Variants in ADAM23 observed in about 807,000 individuals in gnomAD.
ADAM23 encodes the protein disintegrin and metalloproteinase domain-containing protein 23.
In ADAM23, 33 loss-of-function variants were observed where a neutral mutation model predicts 120.1. That is an observed-to-expected ratio of 0.27 (90% CI 0.21 to 0.37). ADAM23 has a LOEUF of 0.37. ADAM23 is among the 10% of genes least tolerant of loss of function. The probability of loss-of-function intolerance (pLI) is 1.00; values close to 1 mark genes in which losing one functional copy is unlikely to be tolerated. For synonymous variants in ADAM23, 367 were observed against 375.2 expected, an observed-to-expected ratio of 0.98 and a Z score of 0.25; for missense variants, 862 against 1,058.2, an observed-to-expected ratio of 0.81 and a Z score of 2.57.
At chr2:206,465,821 G>A (rs1219843047) in intron 2 of ADAM23, among the ~76,000 whole-genome samples, 2 of 152,150 alleles carry the variant, frequency 1.3e-5, no homozygotes, top group Non-Finnish European at 2.9e-5. Context: ...TCGGAGAACA[G>A]ATGTAGGAAT....
At chr2:206,458,729 G>A (rs1221401086) in intron 2 of ADAM23, among the ~76,000 whole-genome samples, 1 of 152,084 alleles carries the variant, frequency 6.6e-6, no homozygotes, top group Non-Finnish European at 1.5e-5. Context: ...ACGTTCAGAT[G>A]ATAATTTCCC....
At chr2:206,471,058 C>T (rs889313806) in intron 2 of ADAM23, among the ~76,000 whole-genome samples, 3 of 152,096 alleles carry the variant, frequency 2.0e-5, no homozygotes, top group Non-Finnish European at 4.4e-5. Context: ...TGGGTAGAAA[C>T]AGTATGAAAC....
intron 2 of ADAM23, among the ~76,000 whole-genome samples, chr2:206,453,274 A>G (rs978516584): frequency 2.0e-5 from 3 of 152,238 alleles, no homozygotes; most frequent in Admixed American, 2.0e-4. Flanking sequence ...GCAAGAACCG[A>G]ATCTATCAGG....
intron 18 of ADAM23, among the ~76,000 whole-genome samples, chr2:206,574,395 TG>T (rs1698070109): frequency 6.6e-6 from 1 of 150,954 alleles, no homozygotes; most frequent in Non-Finnish European, 1.5e-5. Context: ...AAGTTTGGTG[TG>T]GTTTTCTTTT....
intron 7 of ADAM23, 148 bp downstream of exon 7, chr2:206,547,649 C>A (rs1372951816): frequency 1.7e-6 from 1 of 598,716 alleles, no homozygotes. Flanking sequence ...TGAGTGGTGG[C>A]TCTTGTGTAA....
At chr2:206,445,167 T>G (rs1386012409) in intron 1 of ADAM23, 140 bp from the exon 2 acceptor site, 2 of 665,162 alleles carry the variant, frequency 3.0e-6, no homozygotes, top group African/African-American at 3.7e-5. Context: ...GCTCTACTTC[T>G]TAACTGCTTA....
chr2:206,454,994 G>A (rs966045188), intron 2 of ADAM23, among the ~76,000 whole-genome samples: 1 of 152,210 alleles, frequency 6.6e-6, no homozygotes, highest in African/African-American at 2.4e-5. Flanking sequence ...CTAGAGGGCA[G>A]TAACTCTCTT....
At chr2:206,552,259 G>A (rs1697542960) in intron 9 of ADAM23, among the ~76,000 whole-genome samples, 1 of 152,078 alleles carries the variant, frequency 6.6e-6, no homozygotes, top group African/African-American at 2.4e-5. Context: ...TATAGAATCT[G>A]TTCTCAAACC....
At chr2:206,572,988 T>C in intron 17 of ADAM23, 127 bp from the exon 18 acceptor site, 1 of 909,404 alleles carries the variant, frequency 1.1e-6, no homozygotes, top group Non-Finnish European at 1.8e-6. Context: ...TCTGTCTTGC[T>C]AATTCTTAAA....
intron 3 of ADAM23, among the ~76,000 whole-genome samples, chr2:206,482,035 A>C (rs555400785): frequency 1.3e-5 from 2 of 152,332 alleles, no homozygotes; most frequent in East Asian, 1.9e-4. Flanking sequence ...AGCTTTTGTC[A>C]GTATTTTGAT....
intron 11 of ADAM23, 44 bp from the exon 12 acceptor site, chr2:206,561,083 AT>A (rs755094449): frequency 6.5e-7 from 1 of 1,546,794 alleles, no homozygotes; most frequent in Admixed American, 1.7e-5. Context: ...GTATGAAATG[AT>A]GGTCCACCAC....
intron 3 of ADAM23, among the ~76,000 whole-genome samples, chr2:206,514,442 G>T (rs140830139): frequency 2.1e-4 from 32 of 152,320 alleles, no homozygotes; most frequent in African/African-American, 7.5e-4. Flanking sequence ...ACAACTAGAA[G>T]TGGAGCCCGA....
intron 8 of ADAM23, among the ~76,000 whole-genome samples, chr2:206,549,887 T>TA (rs1468988817): frequency 6.6e-6 from 1 of 152,110 alleles, no homozygotes; most frequent in Non-Finnish European, 1.5e-5. Flanking sequence ...GATAATAAAA[T>TA]ACAGTTATTT....
intron 15 of ADAM23, among the ~76,000 whole-genome samples, chr2:206,567,599 T>C (rs1006289823): frequency 4.6e-5 from 7 of 152,272 alleles, no homozygotes; most frequent in South Asian, 2.1e-4. Context: ...AATTAAAATA[T>C]CTTTGAGATT....
intron 3 of ADAM23, among the ~76,000 whole-genome samples, chr2:206,505,068 C>G (rs998397122): frequency 6.6e-6 from 1 of 152,112 alleles, no homozygotes; most frequent in Admixed American, 6.6e-5. Context: ...TGGTAAGAGC[C>G]AAGTGGCCTA....
At position 206,501,870 on chromosome 2, in the gene ADAM23, TA is replaced by T. The variant is rs1696394081; in HGVS notation, c.509+20564del. Among the ~76,000 whole-genome samples the T allele has an allele frequency of 3.9e-5, 6 of 152,300 alleles. No individual in the cohort carries two copies. The South Asian group carries it at 1.2e-3, about 32-fold the overall frequency. Reference sequence around the variant, plus strand: ...AAATATAAAACCAATGTGTTAAATATAATTTAGTTTTATTTCTAAAATTTCA... The same window carrying T: ...AAATATAAAACCAATGTGTTAAATATATTTAGTTTTATTTCTAAAATTTCA... On this transcript the variant is annotated intron_variant, in intron 3 of 25. Transcript: ENST00000264377.
rs1448442183 is a variant in ADAM23, at chr2:206,596,136, A to C, written c.2333A>C (p.His778Pro). ...ATCCGGGATCCAGTTAGGAACCTTC[A>C]CCCCCCCAAGGATGAAGGACCCAAG... ...CSIRDPVRNL[H>P]PPKDEGPKGP... Residue 778 changes from histidine (H) to proline (P), a missense_variant, in exon 24 of 26, where the codon CAC (histidine) becomes CCC (proline). His to Pro is a moderately conservative substitution (Grantham distance 77). This residue lies in a region of ADAM23 where 617 missense variants were observed against 813.5 expected (regional missense o/e 0.76). Coordinates refer to ENST00000264377, the MANE Select transcript of ADAM23 (RefSeq NM_003812.4). 1.4e-5 allele frequency: 22 copies of C among 1,613,462 alleles called. No homozygotes were observed. Among genetic ancestry groups the C allele is most frequent in the Non-Finnish European group, 1.6e-5 (19 of 1,179,872 alleles).
At chr2:206,457,624 C>T (rs534982219) in intron 2 of ADAM23, among the ~76,000 whole-genome samples, 35 of 151,966 alleles carry the variant, frequency 2.3e-4, no homozygotes, top group Non-Finnish European at 4.7e-4. Flanking sequence ...CTTGTTTAAA[C>T]TACTAGCATT....
intron 2 of ADAM23, among the ~76,000 whole-genome samples, chr2:206,454,398 A>G (rs1369640664): frequency 6.6e-6 from 1 of 152,150 alleles, no homozygotes; most frequent in Non-Finnish European, 1.5e-5. Flanking sequence ...ACCTCCCACC[A>G]GGTCCCTACC....
Sources: allele counts gnomAD v4.1 joint callset (sites outside exome capture counted in the v4.1 genomes callset), GRCh38; gene constraint gnomAD v4.1.1; regional missense constraint gnomAD v4.1.1; transcripts MANE v1.5; gene names NCBI Gene and HGNC (gene_info 2026-07-23, HGNC 2026-07-21).